Variants in LHFPL3 observed in about 807,000 individuals in gnomAD.
The protein encoded by LHFPL3 is LHFPL tetraspan subfamily member 3 protein.
A neutral mutation model predicts 19.3 loss-of-function variants in LHFPL3; 5 were observed. The observed-to-expected ratio is 0.26, with a 90% CI of 0.14 to 0.54. The LOEUF (loss-of-function observed/expected upper bound fraction) is 0.54, where lower values mean the gene tolerates loss of function less well. Among genes scored for constraint, LHFPL3 ranks in the 20% least tolerant of loss-of-function variants. The pLI is 0.94. For synonymous variants in LHFPL3, 133 were observed against 126.2 expected (o/e 1.05, Z -0.36); for missense variants, 249 against 307.4 (o/e 0.81, Z 1.42).
intron 1 of LHFPL3, among the ~76,000 whole-genome samples, chr7:104,468,560 C>A (rs963192965): frequency 2.0e-5 from 3 of 152,032 alleles, no homozygotes; most frequent in Non-Finnish European, 4.4e-5. Context: ...ATGTGCAGAT[C>A]TGCTCTCAGA....
intron 1 of LHFPL3, among the ~76,000 whole-genome samples, chr7:104,592,628 AG>A (rs1353885038): frequency 1.1e-4 from 16 of 152,234 alleles, no homozygotes; most frequent in South Asian, 2.1e-4. Context: ...TTCTCTTCAA[AG>A]CTGTCAGACA....
Position 104,462,286 on chromosome 7 carries a change from G to A in LHFPL3, c.445+133062G>A, listed in dbSNP as rs553819255. ...AGGACTTCCAATACTACATTGAATA[G>A]GAGTTGTAGGAGAGGGCATCCTTGT... is the stretch of plus-strand genomic sequence containing the variant. On this transcript the variant is annotated intron_variant, in intron 1 of 2. Transcript: ENST00000424859. Among the ~76,000 whole-genome samples the A allele has an allele frequency of 3.3e-5, 5 of 152,286 alleles. No homozygotes were observed. The South Asian group carries it at 1.0e-3, about 32-fold the overall frequency.
intron 2 of LHFPL3, among the ~76,000 whole-genome samples, chr7:104,865,325 GA>G (rs895975097): frequency 5.3e-5 from 8 of 151,176 alleles, no homozygotes; most frequent in East Asian, 3.9e-4. Flanking sequence ...TAAAAACCTT[GA>G]AAAAAAAATT....
rs183787650 is a variant in LHFPL3, at chr7:104,716,145, G to A, written c.446-20530G>A. Among the ~76,000 whole-genome samples, 484 of 152,142 alleles carry A rather than the reference G, an allele frequency of 3.2e-3. 2 individuals carry two copies. The highest frequency in any genetic ancestry group is 0.01 in the African/African-American group (430 of 41,516). On this transcript the variant is annotated intron_variant, in intron 1 of 2. Transcript: ENST00000424859. Reference sequence around the variant, plus strand: ...GGGTGGATCACAAGGTCAGGAGTTCGAGACCAGCCTGACTAACATGGTGAA... The same window carrying A: ...GGGTGGATCACAAGGTCAGGAGTTCAAGACCAGCCTGACTAACATGGTGAA...
intron 1 of LHFPL3, among the ~76,000 whole-genome samples, chr7:104,474,681 C>CAAAAAAAAAAAAA (rs1295318624): frequency 5.1e-5 from 3 of 59,142 alleles, no homozygotes; most frequent in African/African-American, 2.1e-4. Context: ...ACAACAACAA[C>CAAAAAAAAAAAAA]AACAACAAAA....
At chr7:104,465,578 C>T (rs2385172) in intron 1 of LHFPL3, among the ~76,000 whole-genome samples, 86,816 of 152,108 alleles carry the variant, frequency 0.57, 25,343 homozygotes, top group Non-Finnish European at 0.63. Flanking sequence ...GAAGCAAGCA[C>T]TTCCTTCTTT....
chr7:104,603,074 CTTTCTTTCTT>C (rs762101928), intron 1 of LHFPL3, among the ~76,000 whole-genome samples: 3 of 58,500 alleles, frequency 5.1e-5, no homozygotes, highest in African/African-American at 1.1e-4. Flanking sequence ...CTTTTTCTTT[CTTTCTTTCTT>C]TCTTTCTTTC....
At chr7:104,728,465 A>G (rs970703883) in intron 1 of LHFPL3, among the ~76,000 whole-genome samples, 6 of 152,028 alleles carry the variant, frequency 3.9e-5, no homozygotes, top group Admixed American at 2.6e-4. Flanking sequence ...CCAGTAACTG[A>G]TCTCCTTATA....
rs6952192 is a variant in LHFPL3 at position 104,428,286 on chromosome 7, C to T, written c.445+99062C>T. ...AGACAATTCATGTATGAAAACAGGG[C>T]CCTAAAATACTTATTAATTAAATTG... On this transcript the variant is annotated intron_variant, in intron 1 of 2. Coordinates refer to ENST00000424859, the MANE Select transcript of LHFPL3 (RefSeq NM_199000.3). Among the ~76,000 whole-genome samples, 1,914 of 152,154 alleles carry T rather than the reference C, an allele frequency of 0.013. 82 individuals carry two copies. The East Asian group carries it at 0.16, about 13-fold the overall frequency.
intron 1 of LHFPL3, among the ~76,000 whole-genome samples, chr7:104,631,148 A>G (rs1368617206): frequency 1.3e-5 from 2 of 152,172 alleles, no homozygotes; most frequent in South Asian, 4.1e-4. Context: ...GCTAACAACA[A>G]CAACAACAAC....
At chr7:104,872,304 TC>T (rs1185755405) in intron 2 of LHFPL3, among the ~76,000 whole-genome samples, 2 of 149,970 alleles carry the variant, frequency 1.3e-5, no homozygotes, top group Non-Finnish European at 3.0e-5. Context: ...GCCACTTTGC[TC>T]CAGCCTAGGT....
intron 1 of LHFPL3, among the ~76,000 whole-genome samples, chr7:104,670,651 C>A (rs191304006): frequency 1.3e-5 from 2 of 152,114 alleles, no homozygotes; most frequent in African/African-American, 4.8e-5. Flanking sequence ...TCACTCCTTG[C>A]CTGCTCCTGA....
At chr7:104,484,965 A>G (rs1307218032) in intron 1 of LHFPL3, among the ~76,000 whole-genome samples, 1 of 152,168 alleles carries the variant, frequency 6.6e-6, no homozygotes, top group Admixed American at 6.5e-5. Context: ...TTTCCAACAC[A>G]TGAACTTTGG....
chr7:104,486,275 C>T (rs553638960), intron 1 of LHFPL3, among the ~76,000 whole-genome samples: 1 of 152,238 alleles, frequency 6.6e-6, no homozygotes, highest in African/African-American at 2.4e-5. Flanking sequence ...GTGGCTAGTT[C>T]CCCTTTATCA....
intron 2 of LHFPL3, among the ~76,000 whole-genome samples, chr7:104,790,341 G>A (rs1216940487): frequency 6.6e-6 from 1 of 152,120 alleles, no homozygotes; most frequent in East Asian, 1.9e-4. Flanking sequence ...GAGGATTCAT[G>A]CACCCTGCTG....
chr7:104,837,687 T>C (rs1242479321), intron 2 of LHFPL3, among the ~76,000 whole-genome samples: 3 of 152,164 alleles, frequency 2.0e-5, no homozygotes, highest in Non-Finnish European at 2.9e-5. Context: ...GTAAGTTCTT[T>C]AGTGGTGATT....
chr7:104,537,185 C>T (rs921039030), intron 1 of LHFPL3, among the ~76,000 whole-genome samples: 1 of 152,162 alleles, frequency 6.6e-6, no homozygotes, highest in Non-Finnish European at 1.5e-5. Flanking sequence ...TTTCAACACC[C>T]CATCTCCATC....
intron 2 of LHFPL3, among the ~76,000 whole-genome samples, chr7:104,884,434 G>C (rs1325144433): frequency 6.6e-6 from 1 of 152,158 alleles, no homozygotes; most frequent in Admixed American, 6.5e-5. Context: ...ACCTGCACCA[G>C]AATCATCCGG....
chr7:104,840,526 C>CAG (rs1791182540), intron 2 of LHFPL3, among the ~76,000 whole-genome samples: 1 of 111,210 alleles, frequency 9.0e-6, no homozygotes, highest in African/African-American at 3.5e-5. Flanking sequence ...GCCTTGTTGC[C>CAG]TAGGCTGGTC....
Sources: allele counts gnomAD v4.1 joint callset (sites outside exome capture counted in the v4.1 genomes callset), GRCh38; gene constraint gnomAD v4.1.1; transcripts MANE v1.5; gene names NCBI Gene and HGNC (gene_info 2026-07-23, HGNC 2026-07-21).